Variants in LRRC4C observed in about 807,000 individuals in gnomAD.
LRRC4C encodes the protein leucine rich repeat containing 4C.
Under a neutral mutation model 33.6 loss-of-function variants are expected in LRRC4C, and 5 were observed. The ratio of observed to expected loss-of-function variants is 0.15; its 90% confidence interval spans 0.08 to 0.31. The LOEUF (loss-of-function observed/expected upper bound fraction) is 0.31. LRRC4C is among the 10% of genes least tolerant of loss of function. The probability of loss-of-function intolerance (pLI) is 1.00; values close to 1 mark genes in which losing one functional copy is unlikely to be tolerated. For missense variants in LRRC4C, 560 were observed against 796.7 expected (o/e 0.70, Z 3.58); for synonymous variants, 329 against 302.0 (o/e 1.09, Z -0.93).
At chr11:40,916,534 G>C (rs1003840961) in intron 2 of LRRC4C, among the ~76,000 whole-genome samples, 3 of 151,892 alleles carry the variant, frequency 2.0e-5, no homozygotes, top group Non-Finnish European at 2.9e-5. Context: ...ACATCACACA[G>C]CGGGGCCTGT....
At chr11:40,633,183 A>C (rs7112700) in intron 3 of LRRC4C, among the ~76,000 whole-genome samples, 5,814 of 152,214 alleles carry the variant, frequency 0.038, 369 homozygotes, top group African/African-American at 0.13. Flanking sequence ...CAAAGAGAGA[A>C]GTCATCTTTG....
chr11:40,182,901 C>A (rs138414927), intron 5 of LRRC4C, among the ~76,000 whole-genome samples: 2 of 151,908 alleles, frequency 1.3e-5, no homozygotes, highest in African/African-American at 4.8e-5. Flanking sequence ...TTCATAATAA[C>A]GGGAAGAGTT....
intron 3 of LRRC4C, among the ~76,000 whole-genome samples, chr11:40,500,926 G>A (rs1722693155): frequency 6.6e-6 from 1 of 152,068 alleles, no homozygotes; most frequent in African/African-American, 2.4e-5. Context: ...CCACCTATGA[G>A]CCTGTAAAAT....
intron 3 of LRRC4C, among the ~76,000 whole-genome samples, chr11:40,598,658 C>G (rs1246543249): frequency 1.3e-5 from 2 of 152,304 alleles, no homozygotes; most frequent in South Asian, 2.1e-4. Context: ...CCTAATCTCA[C>G]ATGTTTTATT....
chr11:40,301,472 G>A (rs1024289503), intron 4 of LRRC4C, among the ~76,000 whole-genome samples: 3 of 152,178 alleles, frequency 2.0e-5, no homozygotes, highest in Admixed American at 1.3e-4. Flanking sequence ...CAGTTGTGTA[G>A]TTTGGGAAGA....
chr11:41,059,435 A>G (rs1372462579), intron 1 of LRRC4C, among the ~76,000 whole-genome samples: 1 of 151,614 alleles, frequency 6.6e-6, no homozygotes, highest in Non-Finnish European at 1.5e-5. Flanking sequence ...ATAGATCAAA[A>G]TTTTAGAAAT....
chr11:40,640,797 G>A (rs2136084611), intron 3 of LRRC4C, among the ~76,000 whole-genome samples: 1 of 152,124 alleles, frequency 6.6e-6, no homozygotes, highest in East Asian at 1.9e-4. Context: ...GGCGGATCAC[G>A]AGGTCAGGAG....
intron 3 of LRRC4C, among the ~76,000 whole-genome samples, chr11:40,456,904 A>G (rs946167740): frequency 7.6e-6 from 1 of 131,530 alleles, no homozygotes; most frequent in Admixed American, 7.7e-5. Context: ...GGAGGGGAAA[A>G]GGAAAGAAAG....
In LRRC4C at chr11:41,442,469, T is replaced by TTTC. The variant is rs35197964; in HGVS notation, c.-496+16961_-496+16962insGAA. The stretch of plus-strand genomic sequence containing the variant: ...TTTGTTGCTTTTTTCTTTTTTTTTT[T>TTTC]TTTTTTTTTTTTTTTTTTGAGACAG... On this transcript the variant is annotated intron_variant, in intron 1 of 6. Transcript: ENST00000528697. 3.1e-3 allele frequency among the ~76,000 whole-genome samples: 130 copies of TTTC among 41,618 alleles called. 7 individuals are homozygous for TTTC. The highest frequency in any genetic ancestry group is 0.01 in the African/African-American group (102 of 10,018). 27.3% of individuals were successfully genotyped at this position (41,618 alleles called of 152,430 possible).
At chr11:40,140,931 C>T (rs1857321510) in intron 5 of LRRC4C, 78 bp from the exon 6 acceptor site, 1 of 152,634 alleles carries the variant, frequency 6.6e-6, no homozygotes, top group African/African-American at 2.4e-5. Context: ...TGATCTGCCA[C>T]CACCACAACC....
At chr11:41,225,650 T>TA (rs1241891867) in intron 1 of LRRC4C, among the ~76,000 whole-genome samples, 10 of 143,856 alleles carry the variant, frequency 7.0e-5, no homozygotes, top group African/African-American at 2.3e-4. Context: ...TTTATATATA[T>TA]TTTTTTGTTT....
intron 2 of LRRC4C, among the ~76,000 whole-genome samples, chr11:40,661,655 A>G (rs1456181795): frequency 6.6e-6 from 1 of 152,180 alleles, no homozygotes; most frequent in Non-Finnish European, 1.5e-5. Context: ...ATTAAATAAG[A>G]TAACCTATAG....
intron 2 of LRRC4C, among the ~76,000 whole-genome samples, chr11:40,729,921 C>A (rs930789693): frequency 1.3e-5 from 2 of 152,102 alleles, no homozygotes; most frequent in African/African-American, 4.8e-5. Context: ...GAATACTATG[C>A]AGCCATAAAA....
At chr11:40,203,583 A>G (rs1271380466) in intron 5 of LRRC4C, among the ~76,000 whole-genome samples, 1 of 152,210 alleles carries the variant, frequency 6.6e-6, no homozygotes, top group Non-Finnish European at 1.5e-5. Flanking sequence ...AAATGTTTCT[A>G]CCTAATGCTG....
At chr11:40,596,371 C>T (rs911327199) in intron 3 of LRRC4C, among the ~76,000 whole-genome samples, 7 of 151,976 alleles carry the variant, frequency 4.6e-5, no homozygotes, top group African/African-American at 1.7e-4. Flanking sequence ...CTTTTTGGTA[C>T]AGGCACAGAA....
chr11:40,362,341 GA>G (rs372781349), intron 3 of LRRC4C, among the ~76,000 whole-genome samples: 118 of 151,876 alleles, frequency 7.8e-4, no homozygotes, highest in African/African-American at 2.6e-3. Flanking sequence ...TAGAATGGTA[GA>G]AAAAAATTTG....
chr11:41,331,858 G>T (rs569445855), intron 1 of LRRC4C, among the ~76,000 whole-genome samples: 5 of 152,224 alleles, frequency 3.3e-5, no homozygotes, highest in East Asian at 3.9e-4. Flanking sequence ...TACCACACGT[G>T]CTGATGGAAC....
At chr11:40,956,897 T>C (rs1958980142) in intron 1 of LRRC4C, among the ~76,000 whole-genome samples, 1 of 151,718 alleles carries the variant, frequency 6.6e-6, no homozygotes, top group Admixed American at 6.6e-5. Context: ...AAGAGTTTAA[T>C]TGGAAGAAAG....
intron 1 of LRRC4C, among the ~76,000 whole-genome samples, chr11:40,955,317 C>T (rs1394218142): frequency 6.6e-6 from 1 of 151,608 alleles, no homozygotes; most frequent in Non-Finnish European, 1.5e-5. Context: ...ATGCCTTAAA[C>T]ATTTAATGTC....
Sources: gnomAD v4.1 joint callset for allele counts (sites outside exome capture counted in the v4.1 genomes callset) on GRCh38, gnomAD v4.1.1 for gene constraint, MANE v1.5 for transcripts, NCBI Gene and HGNC (gene_info 2026-07-23, HGNC 2026-07-21) for gene names.